The following USP7 variants were observed in gnomAD, a reference collection of about 807,000 sequenced individuals.
USP7 encodes ubiquitin specific peptidase 7.
Under a neutral mutation model 162.9 loss-of-function variants are expected in USP7, and 9 were observed. The observed-to-expected ratio is 0.06, with a 90% CI of 0.03 to 0.10. The LOEUF is 0.10. USP7 is among the 10% of genes least tolerant of loss of function. The pLI, the probability that USP7 is intolerant of heterozygous loss-of-function variation, is 1.00. For synonymous variants in USP7, 562 were observed against 475.9 expected (o/e 1.18, Z -2.35); for missense variants, 715 against 1,373.7 (o/e 0.52, Z 7.58).
intron 1 of USP7, chr16:8,936,599 G>C: frequency 6.4e-7 from 1 of 1,555,402 alleles, no homozygotes. Context: ...GCCCAAGCCT[G>C]TGGTTCCCAG....
chr16:8,898,674 G>A (rs559379719), intron 23 of USP7, 35 bp from the exon 24 acceptor site: 2 of 1,484,194 alleles, frequency 1.3e-6, no homozygotes, highest in East Asian at 2.3e-5. Flanking sequence ...TAAATGACTT[G>A]TTTATTTGCC....
At chr16:8,948,484 C>T (rs1017891507) in intron 1 of USP7, among the ~76,000 whole-genome samples, 6 of 152,166 alleles carry the variant, frequency 3.9e-5, no homozygotes, top group Non-Finnish European at 8.8e-5. Context: ...CACACCTGGC[C>T]CCCAGTTAAC....
At chr16:8,936,184 C>A (rs1001920323) in intron 1 of USP7, among the ~76,000 whole-genome samples, 1 of 152,182 alleles carries the variant, frequency 6.6e-6, no homozygotes, top group Non-Finnish European at 1.5e-5. Context: ...ACTCAGCCCC[C>A]CAGATCCTTC....
rs574950719 is a variant in USP7 at position 8,904,574 on chromosome 16, C to G, written c.1574-9G>C. On this transcript the variant is annotated splice_polypyrimidine_tract_variant and intron_variant, in intron 14 of 30. Coordinates refer to ENST00000344836, the MANE Select transcript of USP7 (RefSeq NM_003470.3). ...CGCCTGTAAAACTTCACCTGCAGGA[C>G]AAAGGCATCCTCTTTGACCCCTGCA... 1.9e-6 allele frequency: 3 copies of G among 1,613,528 alleles called. No homozygotes were observed. Among genetic ancestry groups the G allele is most frequent in the African/African-American group, 1.3e-5 (1 of 75,028 alleles).
In USP7 at chr16:8,939,704, G is replaced by A. The variant is rs1203656173; in HGVS notation, c.80-9307C>T. Reference sequence around the variant, plus strand: ...TGTACATATCATGTACATTGCTCGTGCACTTTTTCTCATGAAGGAAAACAC... The same window carrying A: ...TGTACATATCATGTACATTGCTCGTACACTTTTTCTCATGAAGGAAAACAC... On this transcript the variant is annotated intron_variant, in intron 1 of 30. Transcript: ENST00000344836. Among the ~76,000 whole-genome samples, 4 of 152,184 alleles carry A rather than the reference G, an allele frequency of 2.6e-5. No homozygotes were observed. The East Asian group carries it at 7.7e-4, about 29-fold the overall frequency.
At chr16:8,944,691 G>A (rs1899199005) in intron 1 of USP7, among the ~76,000 whole-genome samples, 2 of 152,238 alleles carry the variant, frequency 1.3e-5, no homozygotes, top group Non-Finnish European at 2.9e-5. Flanking sequence ...GGCCACTGGA[G>A]ACACAGACCA....
At chr16:8,918,637 C>G (rs941060811) in intron 6 of USP7, among the ~76,000 whole-genome samples, 2 of 152,128 alleles carry the variant, frequency 1.3e-5, no homozygotes, top group African/African-American at 4.8e-5. Context: ...TGGTGAAACC[C>G]CGCCTCTACT....
intron 1 of USP7, among the ~76,000 whole-genome samples, chr16:8,944,875 T>A (rs1400066396): frequency 1.3e-5 from 2 of 150,732 alleles, no homozygotes; most frequent in Non-Finnish European, 2.9e-5. Context: ...GAGGCTGAAG[T>A]GAGGGGCAGA....
intron 10 of USP7, among the ~76,000 whole-genome samples, chr16:8,912,089 TTAGGAA>T (rs1318453463): frequency 2.0e-5 from 3 of 151,926 alleles, no homozygotes; most frequent in African/African-American, 7.3e-5. Context: ...AGAGCAAAGG[TTAGGAA>T]TATCTAACAC....
intron 1 of USP7, among the ~76,000 whole-genome samples, chr16:8,961,222 A>G (rs59591814): frequency 0.098 from 14,976 of 152,074 alleles, 997 homozygotes; most frequent in African/African-American, 0.18. Context: ...GCCAGGCGCG[A>G]TGGCTCACAC....
intron 6 of USP7, 132 bp downstream of exon 6, chr16:8,918,899 T>A (rs1157628148): frequency 2.4e-6 from 2 of 850,252 alleles, no homozygotes; most frequent in African/African-American, 3.4e-5. Flanking sequence ...AAACGCAGCA[T>A]GAACTAGCAG....
chr16:8,919,150 A>G lies in USP7; in HGVS notation c.612-11T>C. 1 of 1,613,656 alleles carries G rather than the reference A, an allele frequency of 6.2e-7. No homozygotes were observed. The highest frequency in any genetic ancestry group is 8.5e-7 in the Non-Finnish European group (1 of 1,179,682). Reference sequence around the variant, plus strand: ...TTCTTTGAATCCCACCTGAAAGATCAGTTCAAGGTTGAGGGGATCTTGCAG... The same window carrying G: ...TTCTTTGAATCCCACCTGAAAGATCGGTTCAAGGTTGAGGGGATCTTGCAG... On this transcript the variant is annotated splice_polypyrimidine_tract_variant and intron_variant, in intron 5 of 30. Transcript: ENST00000344836.
At chr16:8,897,156 C>G (rs909516572) in intron 25 of USP7, 57 bp from the exon 26 acceptor site, 5 of 1,348,702 alleles carry the variant, frequency 3.7e-6, no homozygotes, top group Non-Finnish European at 5.3e-6. Flanking sequence ...GGTCTGCTAC[C>G]ACAAAGGAAG....
chr16:8,938,265 ACTTGATTAAACTTTT>A (rs1898862682), intron 1 of USP7, among the ~76,000 whole-genome samples: 3 of 152,050 alleles, frequency 2.0e-5, no homozygotes, highest in South Asian at 2.1e-4. Context: ...TACTATACTG[ACTTGATTAAACTTTT>A]CTTGATTAAA....
Position 8,899,705 on chromosome 16 carries a change from G to T in USP7, c.2362C>A (p.Arg788=), listed in dbSNP as rs2061744403. Residue 788 remains arginine (R), a synonymous_variant, in exon 22 of 31, where the codon CGA becomes AGA. Coordinates refer to ENST00000344836, the MANE Select transcript of USP7 (RefSeq NM_003470.3). ...ACATCAACGCGGTGGTAGAGATCTC[G>T]GAAATACTCCTTTGCGGTGGGTAAT... is the stretch of plus-strand genomic sequence containing the variant. ...SELPTAKEYF[R]DLYHRVDVIF... 6.2e-7 allele frequency: 1 copy of T among 1,614,068 alleles called. No individual in the cohort carries two copies. The highest frequency in any genetic ancestry group is 8.5e-7 in the Non-Finnish European group (1 of 1,180,024).
intron 7 of USP7, 69 bp from the exon 8 acceptor site, chr16:8,916,625 AGATT>A: frequency 3.4e-6 from 5 of 1,478,356 alleles, no homozygotes; most frequent in Non-Finnish European, 4.6e-6. Context: ...AAAGTAACTT[AGATT>A]GAAAACCTAA....
At chr16:8,950,500 C>G (rs547875982) in intron 1 of USP7, among the ~76,000 whole-genome samples, 239 of 152,324 alleles carry the variant, frequency 1.6e-3, no homozygotes, top group Admixed American at 2.7e-3. Flanking sequence ...CTCCAGACCC[C>G]TTACCCCAAG....
Position 8,915,282 on chromosome 16 carries a change from G to T in USP7, c.1050C>A (p.Ile350=), listed in dbSNP as rs2141200449. The change falls in exon 10 of 31, where the codon ATC becomes ATA. Residue 350 remains isoleucine, a synonymous_variant. Transcript: ENST00000344836. ...RSDRREDYYD[I]QLSIKGKKNI... ...TTTTCTTTCCTTTGATACTTAGCTG[G>T]ATATCATAATAATCTTCTCTTCTAT... The T allele has an allele frequency of 6.2e-7, 1 of 1,611,542 alleles. No homozygotes were observed. Among genetic ancestry groups the T allele is most frequent in the East Asian group, 2.2e-5 (1 of 44,832 alleles).
At chr16:8,962,196 C>G (rs570443329) in intron 1 of USP7, among the ~76,000 whole-genome samples, 15 of 152,352 alleles carry the variant, frequency 9.8e-5, no homozygotes, top group African/African-American at 3.6e-4. Flanking sequence ...AAAAGCAAAA[C>G]TAAAGCATTC....
Sources: allele counts gnomAD v4.1 joint callset (sites outside exome capture counted in the v4.1 genomes callset), GRCh38; gene constraint gnomAD v4.1.1; transcripts MANE v1.5; gene names NCBI Gene and HGNC (gene_info 2026-07-23, HGNC 2026-07-21).